The following SLC5A4 variants were observed in gnomAD, a reference collection of about 807,000 sequenced individuals.
SLC5A4 encodes solute carrier family 5 member 4, also known as probable glucose sensor protein SLC5A4.
SLC5A4 carries 55 observed loss-of-function variants against 70.3 expected under a neutral mutation model. The ratio of observed to expected loss-of-function variants is 0.78; its 90% CI spans 0.63 to 0.98. SLC5A4 has a LOEUF of 0.98. Among genes scored for constraint, SLC5A4 ranks in the 50% least tolerant of loss-of-function variants. SLC5A4 has a pLI of 0.00. For synonymous variants in SLC5A4, 268 were observed against 305.7 expected, an observed-to-expected ratio of 0.88 and a Z score of 1.29; for missense variants, 735 against 839.2, an observed-to-expected ratio of 0.88 and a Z score of 1.53.
chr22:32,315,515 G>T, the SLC5A4 span, among the ~76,000 whole-genome samples: 2 of 152,150 alleles, frequency 1.3e-5, no homozygotes, highest in African/African-American at 2.4e-5. Context: ...ATTGTTCACA[G>T]TAGGGAGAAA....
chr22:32,260,597 T>C, the SLC5A4 span, among the ~76,000 whole-genome samples: 2 of 151,696 alleles, frequency 1.3e-5, no homozygotes, highest in East Asian at 1.9e-4. Context: ...CCACTCTCCA[T>C]ATCCCCAGGG....
chr22:32,281,545 T>G, the SLC5A4 span, among the ~76,000 whole-genome samples: 1 of 152,234 alleles, frequency 6.6e-6, no homozygotes, highest in African/African-American at 2.4e-5. Context: ...TTATTATTTT[T>G]TGAGATGGGG....
chr22:32,333,622 CG>C, the SLC5A4 span, among the ~76,000 whole-genome samples: 1 of 152,080 alleles, frequency 6.6e-6, no homozygotes, highest in Non-Finnish European at 1.5e-5. Context: ...TCCTTCAGCC[CG>C]GGCTCTGACC....
the SLC5A4 span, chr22:32,354,766 T>C: frequency 6.6e-6 from 1 of 151,078 alleles, no homozygotes; most frequent in African/African-American, 2.4e-5. Flanking sequence ...ACGCCCTGGA[T>C]AGGGCCTCCA....
the SLC5A4 span, among the ~76,000 whole-genome samples, chr22:32,304,567 C>G: frequency 2.0e-5 from 3 of 152,246 alleles, no homozygotes; most frequent in Non-Finnish European, 2.9e-5. Flanking sequence ...GTGCAAGCCA[C>G]TGTGCCTGGC....
At chr22:32,254,937 ACT>A (rs1295598914) in intron 1 of SLC5A4, among the ~76,000 whole-genome samples, 12 of 151,954 alleles carry the variant, frequency 7.9e-5, no homozygotes, top group African/African-American at 2.9e-4. Flanking sequence ...ATAAAAATAC[ACT>A]CTTTGTCCAT....
At chr22:32,239,541 T>TAA (rs1926293576) in intron 5 of SLC5A4, among the ~76,000 whole-genome samples, 1 of 11,214 alleles carries the variant, frequency 8.9e-5, no homozygotes, top group Non-Finnish European at 1.4e-4. Flanking sequence ...TATATATATA[T>TAA]ATATATATAT....
chr22:32,344,991 G>A, the SLC5A4 span, among the ~76,000 whole-genome samples: 2 of 152,086 alleles, frequency 1.3e-5, no homozygotes, highest in Non-Finnish European at 2.9e-5. Flanking sequence ...TAAACTTTAA[G>A]GCTTACATAC....
chr22:32,266,438 T>A, the SLC5A4 span, among the ~76,000 whole-genome samples: 2 of 152,208 alleles, frequency 1.3e-5, no homozygotes, highest in African/African-American at 4.8e-5. Flanking sequence ...GTTCAATATG[T>A]CTGCAATAGT....
At chr22:32,321,409 G>A in the SLC5A4 span, among the ~76,000 whole-genome samples, 4 of 152,276 alleles carry the variant, frequency 2.6e-5, no homozygotes, top group East Asian at 3.9e-4. Flanking sequence ...CTGAGATCGC[G>A]CCACTGCACT....
intron 13 of SLC5A4, among the ~76,000 whole-genome samples, chr22:32,221,273 T>G (rs978372616): frequency 6.6e-5 from 10 of 152,234 alleles, no homozygotes; most frequent in African/African-American, 9.6e-5. Context: ...AAATACCTAC[T>G]TCTGGATTTG....
chr22:32,274,108 C>T, the SLC5A4 span, among the ~76,000 whole-genome samples: 90 of 149,826 alleles, frequency 6.0e-4, no homozygotes, highest in Middle Eastern at 3.5e-3. Context: ...GGCGTCATCT[C>T]GGCTCGCTGC....
At chr22:32,259,492 G>GAAAAT (rs1195954334), upstream of SLC5A4, among the ~76,000 whole-genome samples, 1 of 151,984 alleles carries the variant, frequency 6.6e-6, no homozygotes, top group African/African-American at 2.4e-5. Flanking sequence ...TATTAACGTG[G>GAAAAT]CATGCTACAT....
the SLC5A4 span, among the ~76,000 whole-genome samples, chr22:32,273,949 T>C: frequency 6.6e-6 from 1 of 151,932 alleles, no homozygotes; most frequent in East Asian, 1.9e-4. Context: ...TATGAACAGA[T>C]ACTACACGCA....
the SLC5A4 span, among the ~76,000 whole-genome samples, chr22:32,337,902 T>C: frequency 1.4e-5 from 2 of 144,510 alleles, no homozygotes; most frequent in African/African-American, 2.6e-5. Context: ...ATTTTGAGTA[T>C]GTATTACCTC....
the SLC5A4 span, among the ~76,000 whole-genome samples, chr22:32,338,380 G>A: frequency 1.3e-5 from 2 of 148,378 alleles, no homozygotes; most frequent in African/African-American, 5.0e-5. Flanking sequence ...TGGACGCGGT[G>A]CCTCACGCCT....
At chr22:32,234,496 C>T (rs941785468) in intron 8 of SLC5A4, among the ~76,000 whole-genome samples, 1 of 152,064 alleles carries the variant, frequency 6.6e-6, no homozygotes, top group Non-Finnish European at 1.5e-5. Context: ...GTCAGGTGTT[C>T]GAGACCAGCC....
the SLC5A4 span, chr22:32,272,024 C>T: frequency 1.1e-5 from 7 of 631,400 alleles, no homozygotes; most frequent in Admixed American, 1.7e-4. Flanking sequence ...CCTTATCTAT[C>T]CAGTTCATCT....
At chr22:32,320,485 A>C in the SLC5A4 span, among the ~76,000 whole-genome samples, 8 of 152,290 alleles carry the variant, frequency 5.3e-5, no homozygotes, top group South Asian at 2.1e-4. Flanking sequence ...CCAGGTCAAA[A>C]ACAACAGCTC....
Sources: gnomAD v4.1 joint callset for allele counts (sites outside exome capture counted in the v4.1 genomes callset) on GRCh38, gnomAD v4.1.1 for gene constraint, MANE v1.5 for transcripts, NCBI Gene and HGNC (gene_info 2026-07-23, HGNC 2026-07-21) for gene names.